ACYP2: variants seen among roughly 807,000 people sequenced by gnomAD.
The protein encoded by ACYP2 is acylphosphatase-2.
In ACYP2, 12 loss-of-function variants were observed where a neutral mutation model predicts 11.2. That is an observed-to-expected ratio of 1.08 (90% CI 0.69 to 1.74). ACYP2 has a LOEUF of 1.74. ACYP2 is among the 40% of genes most tolerant of loss of function. The probability of loss-of-function intolerance (pLI) is 0.00; values close to 1 mark genes in which losing one functional copy is unlikely to be tolerated. For missense variants in ACYP2, 134 were observed against 101.9 expected (o/e 1.31, Z -1.35); for synonymous variants, 43 against 32.2 (o/e 1.33, Z -1.13).
At chr2:54,001,479 C>T (rs1411820760) in intron 2 of ACYP2, among the ~76,000 whole-genome samples, 14 of 152,268 alleles carry the variant, frequency 9.2e-5, no homozygotes, top group African/African-American at 2.6e-4. Flanking sequence ...CTGCAACCTC[C>T]GCCTTCTGAG....
intron 4 of ACYP2, among the ~76,000 whole-genome samples, chr2:54,130,762 A>G (rs1680853495): frequency 6.6e-6 from 1 of 152,220 alleles, no homozygotes. Flanking sequence ...TGAATATTTA[A>G]CTATGCGTGG....
At chr2:54,294,254 G>A (rs1558674711) in intron 6 of ACYP2, among the ~76,000 whole-genome samples, 1 of 152,068 alleles carries the variant, frequency 6.6e-6, no homozygotes, top group African/African-American at 2.4e-5. Flanking sequence ...ATCACCCCAG[G>A]AGCTTACTAC....
intron 2 of ACYP2, among the ~76,000 whole-genome samples, chr2:53,982,885 G>A (rs879918775): frequency 7.2e-6 from 1 of 139,620 alleles, no homozygotes; most frequent in African/African-American, 2.8e-5. Flanking sequence ...ATATAAATAG[G>A]TTCAGGGAGA....
At chr2:54,026,644 A>C (rs1464240808) in intron 2 of ACYP2, among the ~76,000 whole-genome samples, 1 of 152,242 alleles carries the variant, frequency 6.6e-6, no homozygotes, top group Non-Finnish European at 1.5e-5. Context: ...AACTGCAAAA[A>C]TATGGAACCA....
At chr2:54,219,815 GTA>G (rs1558622053) in intron 6 of ACYP2, among the ~76,000 whole-genome samples, 87 of 111,126 alleles carry the variant, frequency 7.8e-4, no homozygotes, top group African/African-American at 2.2e-3. Context: ...GTGTGTTTGT[GTA>G]TGTGTGTGTG....
At chr2:54,098,475 T>C (rs1438443223) in intron 4 of ACYP2, among the ~76,000 whole-genome samples, 1 of 152,154 alleles carries the variant, frequency 6.6e-6, no homozygotes, top group African/African-American at 2.4e-5. Flanking sequence ...TGGAATGTCC[T>C]ATATTCTGGA....
intron 6 of ACYP2, chr2:54,254,587 G>A (rs548687428): frequency 8.8e-4 from 217 of 247,000 alleles, no homozygotes; most frequent in African/African-American, 4.7e-3. Flanking sequence ...CCAAGTAGGA[G>A]GAGCCAGACC....
At chr2:54,101,516 A>T (rs1678890097) in intron 4 of ACYP2, among the ~76,000 whole-genome samples, 1 of 152,016 alleles carries the variant, frequency 6.6e-6, no homozygotes, top group South Asian at 2.1e-4. Flanking sequence ...TAAAAATACC[A>T]AAATTAGCTG....
intron 2 of ACYP2, among the ~76,000 whole-genome samples, chr2:54,023,110 T>C (rs1168623308): frequency 6.6e-6 from 1 of 152,236 alleles, no homozygotes; most frequent in Non-Finnish European, 1.5e-5. Flanking sequence ...AAATATTTTT[T>C]CTTTCCTATA....
chr2:54,246,389 C>G (rs967306540), intron 6 of ACYP2, among the ~76,000 whole-genome samples: 2 of 152,014 alleles, frequency 1.3e-5, no homozygotes, highest in African/African-American at 4.8e-5. Flanking sequence ...TATGTCTTCC[C>G]CTTTGTACAA....
At chr2:54,275,903 C>T (rs768633455) in intron 6 of ACYP2, among the ~76,000 whole-genome samples, 2 of 152,048 alleles carry the variant, frequency 1.3e-5, no homozygotes, top group East Asian at 1.9e-4. Flanking sequence ...CAACATTAAG[C>T]GTATCCCTAA....
At chr2:54,154,205 GTCTT>G (rs970428294) in intron 6 of ACYP2, among the ~76,000 whole-genome samples, 5 of 152,048 alleles carry the variant, frequency 3.3e-5, no homozygotes, top group African/African-American at 1.2e-4. Context: ...TTTTGGTAGA[GTCTT>G]TATGGTTTTT....
chr2:54,183,430 G>A (rs1251423412), intron 6 of ACYP2, among the ~76,000 whole-genome samples: 1 of 151,852 alleles, frequency 6.6e-6, no homozygotes, highest in Admixed American at 6.6e-5. Flanking sequence ...ACTTTAGGAG[G>A]CTGAGGCAGA....
At chr2:54,131,190 A>T (rs1312382346) in intron 4 of ACYP2, among the ~76,000 whole-genome samples, 1 of 152,230 alleles carries the variant, frequency 6.6e-6, no homozygotes, top group Non-Finnish European at 1.5e-5. Context: ...TACCTGAGTT[A>T]CCTCATTCTT....
At chr2:54,197,109 C>A (rs1259483312) in intron 6 of ACYP2, among the ~76,000 whole-genome samples, 1 of 152,162 alleles carries the variant, frequency 6.6e-6, no homozygotes, top group Non-Finnish European at 1.5e-5. Flanking sequence ...TAGCTGAGAT[C>A]TCCCTGAGAG....
intron 6 of ACYP2, among the ~76,000 whole-genome samples, chr2:54,215,012 A>G (rs1411964170): frequency 6.6e-6 from 1 of 152,162 alleles, no homozygotes; most frequent in Non-Finnish European, 1.5e-5. Context: ...TTTTGTGGCT[A>G]CTATGAATAG....
intron 2 of ACYP2, among the ~76,000 whole-genome samples, chr2:54,039,132 T>A (rs1448565945): frequency 1.3e-5 from 2 of 148,280 alleles, no homozygotes; most frequent in Admixed American, 1.3e-4. Context: ...GAGGGTGAGG[T>A]TGGGAGAGAA....
chr2:54,087,584 C>G (rs1269133730), intron 4 of ACYP2, among the ~76,000 whole-genome samples: 1 of 152,182 alleles, frequency 6.6e-6, no homozygotes, highest in Non-Finnish European at 1.5e-5. Flanking sequence ...CTTCTGGGCT[C>G]AAGCAATCTG....
At chr2:54,125,613 G>A (rs979559299) in intron 4 of ACYP2, among the ~76,000 whole-genome samples, 1 of 152,096 alleles carries the variant, frequency 6.6e-6, no homozygotes, top group Non-Finnish European at 1.5e-5. Context: ...AGCTGGAGAT[G>A]GTGGCAGGCG....
Sources: allele counts gnomAD v4.1 joint callset (sites outside exome capture counted in the v4.1 genomes callset), GRCh38; gene constraint gnomAD v4.1.1; transcripts MANE v1.5; gene names NCBI Gene and HGNC (gene_info 2026-07-23, HGNC 2026-07-21).